TANC2: variants seen among roughly 807,000 people sequenced by gnomAD.
TANC2 encodes tetratricopeptide repeat, ankyrin repeat and coiled-coil containing 2.
A neutral mutation model predicts 210.5 loss-of-function variants in TANC2; 26 were observed. The observed-to-expected ratio is 0.12, with a 90% CI of 0.09 to 0.17. The LOEUF is 0.17. TANC2 is among the 10% of genes least tolerant of loss of function. The probability of loss-of-function intolerance (pLI) is 1.00; values close to 1 mark genes in which losing one functional copy is unlikely to be tolerated. For synonymous variants in TANC2, 931 were observed against 967.1 expected (o/e 0.96, Z 0.69); for missense variants, 2,129 against 2,608.9 (o/e 0.82, Z 4.01).
exon 6 of TANC2, chr17:63,194,047 C>A (rs760975964): frequency 6.2e-7 from 1 of 1,613,154 alleles, no homozygotes; most frequent in African/African-American, 1.3e-5. Context: ...AGCAAACACA[C>A]TCATGACTCG....
chr17:63,074,341 C>T (rs2036502005), intron 3 of TANC2, among the ~76,000 whole-genome samples: 1 of 152,046 alleles, frequency 6.6e-6, no homozygotes, highest in Non-Finnish European at 1.5e-5. Context: ...TCATCACACA[C>T]TGGCTTTTTA....
chr17:63,354,675 T>C, intron 13 of TANC2, 108 bp from the exon 14 acceptor site: 1 of 1,411,646 alleles, frequency 7.1e-7, no homozygotes, highest in Non-Finnish European at 9.5e-7. Context: ...TGTTTCCCTG[T>C]TTGGCCACTT....
At chr17:62,983,648 T>A (rs2032419700) in intron 1 of TANC2, among the ~76,000 whole-genome samples, 1 of 152,122 alleles carries the variant, frequency 6.6e-6, no homozygotes, top group East Asian at 1.9e-4. Flanking sequence ...CTTTTATACC[T>A]TATTTATTGA....
chr17:63,318,778 A>C (rs1306281297), intron 10 of TANC2, among the ~76,000 whole-genome samples, 179 bp from the exon 11 acceptor site: 3 of 152,152 alleles, frequency 2.0e-5, no homozygotes, highest in Non-Finnish European at 4.4e-5. Context: ...TTTGGCTATT[A>C]TGAATCGTTC....
intron 19 of TANC2, among the ~76,000 whole-genome samples, chr17:63,404,537 A>G (rs888233251): frequency 1.3e-5 from 2 of 152,206 alleles, no homozygotes; most frequent in African/African-American, 4.8e-5. Context: ...ACCTTGAATC[A>G]TTCAAATCCT....
intron 11 of TANC2, among the ~76,000 whole-genome samples, chr17:63,338,383 A>AT (rs1310306348): frequency 1.2e-4 from 19 of 152,190 alleles, no homozygotes; most frequent in Non-Finnish European, 4.4e-5. Flanking sequence ...AAATATCACA[A>AT]TTTTTATCTT....
chr17:63,142,171 G>A (rs2039313348), intron 4 of TANC2, among the ~76,000 whole-genome samples: 2 of 152,186 alleles, frequency 1.3e-5, no homozygotes, highest in African/African-American at 4.8e-5. Context: ...TTGTAAAGGA[G>A]TGCTATTATT....
intron 2 of TANC2, among the ~76,000 whole-genome samples, chr17:63,052,442 A>G (rs2035615996): frequency 1.3e-5 from 2 of 152,216 alleles, no homozygotes; most frequent in African/African-American, 4.8e-5. Context: ...GAGAGCATAA[A>G]TTGATAGCGG....
rs141540824 is a variant in TANC2 at position 62,997,618 on chromosome 17, A to C, written c.-23-11919A>C. On this transcript the variant is annotated intron_variant, in intron 1 of 27. Coordinates refer to ENST00000689528, the Ensembl canonical transcript of TANC2. ...TAATACTTAGTTCATCATTTGGATC[A>C]GTTTGTGGTCATATTTTTATAATTA... Among the ~76,000 whole-genome samples, 466 of 152,332 alleles carry C rather than the reference A, an allele frequency of 3.1e-3. 3 individuals carry two copies. Among genetic ancestry groups the C allele is most frequent in the Admixed American group, 3.9e-3 (60 of 15,306 alleles).
At chr17:63,031,925 C>T (rs756960411) in intron 2 of TANC2, among the ~76,000 whole-genome samples, 1 of 152,024 alleles carries the variant, frequency 6.6e-6, no homozygotes. Flanking sequence ...TATCACCAAG[C>T]CTACATAGCA....
chr17:63,112,039 T>TA (rs1435355554), intron 4 of TANC2, among the ~76,000 whole-genome samples: 3 of 152,182 alleles, frequency 2.0e-5, no homozygotes, highest in Non-Finnish European at 2.9e-5. Context: ...TTTTTATTTT[T>TA]AATCTATACC....
At chr17:63,000,613 A>G (rs10512497) in intron 1 of TANC2, among the ~76,000 whole-genome samples, 4,456 of 152,250 alleles carry the variant, frequency 0.029, 226 homozygotes, top group African/African-American at 0.1. Flanking sequence ...AGTGTAAGAA[A>G]ATTAGAAATG....
intron 2 of TANC2, among the ~76,000 whole-genome samples, chr17:63,018,225 T>A (rs1481822390): frequency 6.6e-6 from 1 of 152,148 alleles, no homozygotes. Flanking sequence ...GCGCCGTGGC[T>A]CATGCCTGTA....
exon 18 of TANC2, chr17:63,395,746 G>C: frequency 6.2e-7 from 1 of 1,613,146 alleles, no homozygotes; most frequent in Non-Finnish European, 8.5e-7. Flanking sequence ...CTCTTAGGTG[G>C]ATCATTTGGA....
Position 63,072,845 on chromosome 17 carries a change from A to G in TANC2, c.68-1098A>G, listed in dbSNP as rs953826587. Among the ~76,000 whole-genome samples the G allele has an allele frequency of 1.4e-4, 21 of 152,246 alleles. 1 individual carries two copies. In the South Asian group the frequency reaches 2.7e-3, roughly 20 times the overall value. On this transcript the variant is annotated intron_variant, in intron 2 of 27. Coordinates refer to ENST00000689528, the Ensembl canonical transcript of TANC2. ...TTGGATTTAATTATTGCTAGGCCTT[A>G]CATATAATAAATATACTTAAAAGGA...
chr17:63,381,663 G>A (rs2047613742), intron 15 of TANC2, among the ~76,000 whole-genome samples: 1 of 152,128 alleles, frequency 6.6e-6, no homozygotes, highest in African/African-American at 2.4e-5. Flanking sequence ...CTTTAAAGAA[G>A]CTCATTGGAT....
At chr17:63,289,264 G>A (rs1186892186) in intron 9 of TANC2, among the ~76,000 whole-genome samples, 1 of 151,956 alleles carries the variant, frequency 6.6e-6, no homozygotes, top group African/African-American at 2.4e-5. Context: ...TATTTATTCT[G>A]TTCCTTTTTC....
chr17:63,189,194 G>A (rs559271000), intron 5 of TANC2, among the ~76,000 whole-genome samples: 54 of 152,182 alleles, frequency 3.5e-4, no homozygotes, highest in Admixed American at 9.8e-4. Context: ...GGACAGTGGG[G>A]TTCTATTTTT....
chr17:63,036,765 T>A (rs2034987898), intron 2 of TANC2, among the ~76,000 whole-genome samples: 1 of 152,120 alleles, frequency 6.6e-6, no homozygotes, highest in Non-Finnish European at 1.5e-5. Context: ...TTTGTTTAGT[T>A]CTTCCTTGAT....
Sources: gnomAD v4.1 joint callset for allele counts (sites outside exome capture counted in the v4.1 genomes callset) on GRCh38, gnomAD v4.1.1 for gene constraint, MANE v1.5 for transcripts, NCBI Gene and HGNC (gene_info 2026-07-23, HGNC 2026-07-21) for gene names.